GHR: variants seen among roughly 807,000 people sequenced by gnomAD.
GHR encodes growth hormone receptor.
In GHR, 35 loss-of-function variants were observed where a neutral mutation model predicts 67.1. The ratio of observed to expected loss-of-function variants is 0.52; its 90% CI spans 0.40 to 0.69. GHR has a LOEUF of 0.69. Among genes scored for constraint, GHR ranks in the 30% least tolerant of loss-of-function variants. The probability of loss-of-function intolerance (pLI) is 0.00; values close to 1 mark genes in which losing one functional copy is unlikely to be tolerated. For synonymous variants in GHR, 272 were observed against 269.1 expected (o/e 1.01, Z -0.10); for missense variants, 792 against 764.6 (o/e 1.04, Z -0.42).
intron 1 of GHR, among the ~76,000 whole-genome samples, chr5:42,531,267 C>CAAA (rs66526387): frequency 6.8e-6 from 1 of 147,654 alleles, no homozygotes; most frequent in Admixed American, 6.8e-5. Context: ...AGTCCATCTC[C>CAAA]AAAAAAAAAA....
At chr5:42,543,733 A>G (rs971583485) in intron 1 of GHR, among the ~76,000 whole-genome samples, 4 of 152,060 alleles carry the variant, frequency 2.6e-5, no homozygotes, top group African/African-American at 9.7e-5. Flanking sequence ...TAATCTGCAA[A>G]CTCAATCAAT....
At chr5:42,640,358 A>T (rs755346498) in intron 3 of GHR, among the ~76,000 whole-genome samples, 8 of 152,186 alleles carry the variant, frequency 5.3e-5, no homozygotes, top group Non-Finnish European at 1.2e-4. Context: ...TCAAAGGGTC[A>T]TTGTGAGGAG....
rs1753212853 is a variant in GHR at position 42,617,391 on chromosome 5, CA to C, written c.71-11646del. ...GCTGCTAGGAAGTTCATTTTACACA[CA>C]CACACACACACACACACACACACAC... is the stretch of plus-strand genomic sequence containing the variant. On this transcript the variant is annotated intron_variant, in intron 2 of 9. Transcript: ENST00000230882. Among the ~76,000 whole-genome samples the C allele has an allele frequency of 1.3e-4, 6 of 47,122 alleles. 1 individual carries two copies. Among genetic ancestry groups the C allele is most frequent in the Non-Finnish European group, 3.9e-4 (6 of 15,538 alleles). 30.9% of individuals were successfully genotyped at this position (47,122 alleles called of 152,430 possible).
intron 1 of GHR, among the ~76,000 whole-genome samples, chr5:42,562,929 A>G (rs1400709361): frequency 1.3e-5 from 2 of 152,150 alleles, no homozygotes; most frequent in Non-Finnish European, 1.5e-5. Context: ...GATTACAGGC[A>G]TGAGCCACCA....
intron 1 of GHR, among the ~76,000 whole-genome samples, chr5:42,526,446 T>C (rs1331805993): frequency 1.3e-5 from 2 of 152,180 alleles, no homozygotes; most frequent in Non-Finnish European, 2.9e-5. Flanking sequence ...ATTTAGAAGG[T>C]GCAGAAAGTT....
At chr5:42,454,057 G>A (rs1343010795) in intron 1 of GHR, among the ~76,000 whole-genome samples, 2 of 152,200 alleles carry the variant, frequency 1.3e-5, no homozygotes, top group Non-Finnish European at 2.9e-5. Context: ...TGCAGTGACT[G>A]TTATTGTTCT....
chr5:42,718,393 A>T, intron 9 of GHR, 60 bp from the exon 10 acceptor site: 1 of 1,207,172 alleles, frequency 8.3e-7, no homozygotes, highest in Non-Finnish European at 1.2e-6. Context: ...ATTATTTGCT[A>T]ATTCATTTAA....
chr5:42,454,271 G>T (rs1167873461), intron 1 of GHR, among the ~76,000 whole-genome samples: 1 of 152,186 alleles, frequency 6.6e-6, no homozygotes, highest in East Asian at 1.9e-4. Context: ...TTTCTCAAAT[G>T]CTAGTTATGC....
At chr5:42,455,721 A>G (rs1335825945) in intron 1 of GHR, among the ~76,000 whole-genome samples, 1 of 152,218 alleles carries the variant, frequency 6.6e-6, no homozygotes, top group Non-Finnish European at 1.5e-5. Context: ...ATTTAGGAAT[A>G]AAGGACTCCA....
chr5:42,686,585 T>C (rs1757157149), intron 3 of GHR, among the ~76,000 whole-genome samples: 1 of 152,208 alleles, frequency 6.6e-6, no homozygotes, highest in Non-Finnish European at 1.5e-5. Flanking sequence ...ACCACATGAT[T>C]ATCTCAATAG....
At chr5:42,562,256 T>C (rs1749650168) in intron 1 of GHR, among the ~76,000 whole-genome samples, 1 of 152,156 alleles carries the variant, frequency 6.6e-6, no homozygotes, top group Non-Finnish European at 1.5e-5. Context: ...CTGGCTCATG[T>C]GAGGGCACTA....
intron 2 of GHR, among the ~76,000 whole-genome samples, chr5:42,578,238 G>T (rs951520670): frequency 3.9e-5 from 6 of 152,114 alleles, no homozygotes; most frequent in Non-Finnish European, 7.3e-5. Context: ...AATGGCTCCT[G>T]CTTGAGAACC....
At chr5:42,655,046 C>G (rs1580133909) in intron 3 of GHR, among the ~76,000 whole-genome samples, 1 of 152,130 alleles carries the variant, frequency 6.6e-6, no homozygotes, top group South Asian at 2.1e-4. Context: ...AAGTCAACCT[C>G]TCATTTTTAA....
At chr5:42,661,013 GGAATATGAAAT>G (rs1755581587) in intron 3 of GHR, among the ~76,000 whole-genome samples, 1 of 152,038 alleles carries the variant, frequency 6.6e-6, no homozygotes, top group Non-Finnish European at 1.5e-5. Flanking sequence ...TATCAGTGAT[GGAATATGAAAT>G]GAATGAAATG....
At chr5:42,479,984 G>A (rs1053933082) in intron 1 of GHR, among the ~76,000 whole-genome samples, 2 of 152,052 alleles carry the variant, frequency 1.3e-5, no homozygotes, top group African/African-American at 4.8e-5. Flanking sequence ...ATGTTAGGGT[G>A]TCAATTTTGG....
Position 42,719,211 on chromosome 5 carries a change from C to T in GHR, c.1704C>T (p.Thr568=). The change falls in exon 10 of 10, where the codon ACC becomes ACT. Residue 568 remains threonine, a synonymous_variant. Transcript: ENST00000230882. ...TAAACCAAGAGGACATTTACATCAC[C>T]ACAGAAAGCCTTACCACTGCTGCTG... ...PSLNQEDIYI[T]TESLTTAAGR... is the part of the protein sequence containing the mutation. 20 of 1,614,006 alleles carry T rather than the reference C, an allele frequency of 1.2e-5. No homozygotes were observed. The highest frequency in any genetic ancestry group is 1.6e-5 in the Non-Finnish European group (19 of 1,179,930).
chr5:42,574,221 T>G (rs1277894525), intron 2 of GHR, among the ~76,000 whole-genome samples: 1 of 152,194 alleles, frequency 6.6e-6, no homozygotes, highest in Non-Finnish European at 1.5e-5. Context: ...AGAAAGACAG[T>G]CAGTTGAAGA....
At chr5:42,571,123 A>T (rs573451950) in intron 2 of GHR, among the ~76,000 whole-genome samples, 62 of 152,232 alleles carry the variant, frequency 4.1e-4, no homozygotes, top group Non-Finnish European at 7.6e-4. Flanking sequence ...CGTTTAATGC[A>T]GTGAAGTCCT....
At chr5:42,659,565 C>A (rs545859785) in intron 3 of GHR, among the ~76,000 whole-genome samples, 2 of 152,120 alleles carry the variant, frequency 1.3e-5, no homozygotes, top group African/African-American at 4.8e-5. Flanking sequence ...CATCCTCACA[C>A]GGCCAAAAGG....
Sources: gnomAD v4.1 joint callset for allele counts (sites outside exome capture counted in the v4.1 genomes callset) on GRCh38, gnomAD v4.1.1 for gene constraint, MANE v1.5 for transcripts, NCBI Gene and HGNC (gene_info 2026-07-23, HGNC 2026-07-21) for gene names.